Variants in DALRD3 observed in about 807,000 individuals in gnomAD.
DALRD3 encodes DALR anticodon binding domain containing 3.
DALRD3 carries 47 observed loss-of-function variants against 56.7 expected under a neutral mutation model. That is an observed-to-expected ratio of 0.83 (90% CI 0.66 to 1.06). DALRD3 has a LOEUF of 1.06. Among genes scored for constraint, DALRD3 ranks in the 50% least tolerant of loss-of-function variants. DALRD3 has a pLI of 0.00. For synonymous variants in DALRD3, 347 were observed against 308.5 expected, an observed-to-expected ratio of 1.12 and a Z score of -1.31; for missense variants, 787 against 724.0, an observed-to-expected ratio of 1.09 and a Z score of -1.00.
chr3:49,016,677 T>G lies in DALRD3; in HGVS notation c.1002-4A>C, dbSNP rs750988575. On this transcript the variant is annotated splice_region_variant and splice_polypyrimidine_tract_variant and intron_variant, in intron 6 of 11. Coordinates refer to ENST00000341949, the MANE Select transcript of DALRD3 (RefSeq NM_001009996.3). ...GCACACCTGGGTATGCCGGAACCTG[T>G]GTTTGGAAGAGAGGAAGGCCAGTGG... 2 of 1,605,638 alleles carry G rather than the reference T, an allele frequency of 1.2e-6. No individual in the cohort carries two copies. Among genetic ancestry groups the G allele is most frequent in the Admixed American group, 1.7e-5 (1 of 59,642 alleles).
chr3:49,017,908 G>C, intron 2 of DALRD3, 39 bp from the exon 3 acceptor site: 1 of 1,569,010 alleles, frequency 6.4e-7, no homozygotes, highest in Non-Finnish European at 8.6e-7. Context: ...TGAGCACCTG[G>C]TCCAGCTCGC....
upstream of DALRD3, chr3:49,020,238 T>G (rs1402926211): frequency 1.9e-6 from 1 of 534,462 alleles, no homozygotes; most frequent in Non-Finnish European, 3.8e-6. Context: ...CGCTTTCCAT[T>G]CTGAAGGTGC....
At chr3:49,020,737 C>A (rs942698826), upstream of DALRD3, 1 of 467,498 alleles carries the variant, frequency 2.1e-6, no homozygotes, top group Middle Eastern at 6.0e-4. Flanking sequence ...AGCTCCTGCC[C>A]CCAGGTCACT....
chr3:49,019,014 AAAG>A (rs1488023820), upstream of DALRD3: 1 of 985,470 alleles, frequency 1.0e-6, no homozygotes, highest in South Asian at 4.7e-5. Flanking sequence ...CTCGTTTTAA[AAAG>A]AATAGTGTTC....
chr3:49,017,113 C>T, intron 5 of DALRD3, 115 bp downstream of exon 5: 1 of 1,464,884 alleles, frequency 6.8e-7, no homozygotes, highest in Non-Finnish European at 9.3e-7. Flanking sequence ...TCCAGCAACT[C>T]CCCCAAGGTC....
upstream of DALRD3, chr3:49,021,477 C>G (rs1000722810): frequency 6.5e-6 from 1 of 154,522 alleles, no homozygotes; most frequent in Non-Finnish European, 1.4e-5. The surrounding 1 kb of genome is among the most constrained non-coding windows in gnomAD (Gnocchi z 4.1). Flanking sequence ...CACCCAAACA[C>G]TATCACAGCT....
Position 49,015,972 on chromosome 3 carries a change from C to CCAT in DALRD3, c.1441_1443dup (p.Met481dup), listed in dbSNP as rs1330419351. ...GAGTGTCCTGGTTGTCTATGCCTCA[C>CCAT]CATCTCTGTGCGTACAGCAATGTGG... On this transcript the variant is annotated inframe_insertion and splice_region_variant. Transcript: ENST00000341949. The CCAT allele has an allele frequency of 6.2e-7, 1 of 1,613,870 alleles. No homozygotes were observed. The highest frequency in any genetic ancestry group is 8.5e-7 in the Non-Finnish European group (1 of 1,179,854).
chr3:49,020,936 G>C (rs1246411847), upstream of DALRD3: 1 of 193,488 alleles, frequency 5.2e-6, no homozygotes, highest in Non-Finnish European at 1.1e-5. Context: ...GATTAGCCCT[G>C]TTGGTCCCAC....
chr3:49,018,142 C>A lies in DALRD3; in HGVS notation c.342G>T (p.Leu114=), dbSNP rs1353079750. 3 of 1,465,072 alleles carry A rather than the reference C, an allele frequency of 2.0e-6. No homozygotes were observed. Among genetic ancestry groups the A allele is most frequent in the Non-Finnish European group, 2.7e-6 (3 of 1,119,488 alleles). 90.8% of individuals were successfully genotyped at this position (1,465,072 alleles called of 1,614,324 possible). A position where few individuals can be genotyped will look rare whatever the true frequency, so the allele number is the denominator to read the frequency against. The change falls in exon 2 of 12, where the codon CTG becomes CTT. Residue 114 remains leucine, a synonymous_variant. Coordinates refer to ENST00000341949, the MANE Select transcript of DALRD3 (RefSeq NM_001009996.3). ...GGCAGTGTAGTAAGACGCGCTGGCCCAGCGAGGCAGGCGAGGCGGGCGTGG... is the reference window on the plus strand; with the variant it reads ...GGCAGTGTAGTAAGACGCGCTGGCCAAGCGAGGCAGGCGAGGCGGGCGTGG... ...AYATPASPAS[L]GQRVLLHCPA... is the part of the protein sequence containing the mutation.
At position 49,016,066 on chromosome 3, in the gene DALRD3, G is replaced by GAAGAGCAAC. The variant is rs1311242273; in HGVS notation, c.1341_1349dup (p.Leu447_Leu449dup). ...GATCCGGAAAGGGGAGGATACTGTTGAAGAGCAACAACCACTCACCCTGTT... is the reference window on the plus strand; with the variant it reads ...GATCCGGAAAGGGGAGGATACTGTTGAAGAGCAACAAGAGCAACAACCACTCACCCTGTT... On this transcript the variant is annotated inframe_insertion, in exon 10 of 12. Coordinates refer to ENST00000341949, the MANE Select transcript of DALRD3 (RefSeq NM_001009996.3). 5.0e-6 allele frequency: 8 copies of GAAGAGCAAC among 1,601,904 alleles called. No individual in the cohort carries two copies. Among genetic ancestry groups the GAAGAGCAAC allele is most frequent in the Non-Finnish European group, 6.0e-6 (7 of 1,171,700 alleles).
intron 5 of DALRD3, 129 bp downstream of exon 5, chr3:49,017,099 C>A: frequency 7.3e-7 from 1 of 1,360,760 alleles, no homozygotes; most frequent in South Asian, 1.3e-5. Context: ...CATGCCCTCT[C>A]AAGTCCAGCA....
In DALRD3 at chr3:49,016,796, T is replaced by C. The variant is rs1166100463; in HGVS notation, c.979A>G (p.Met327Val). The C allele has an allele frequency of 1.2e-6, 2 of 1,614,204 alleles. No individual in the cohort carries two copies. The highest frequency in any genetic ancestry group is 3.3e-5 in the Admixed American group (2 of 60,018). ...CACTCGTAGTACTCAGGGGCAGTCA[T>C]CAGAGTGCCAGGTGCACCAGCTACT... is the stretch of plus-strand genomic sequence containing the variant. ...VKVAGAPGTL[M>V]TAPEYYEFRH... The change falls in exon 6 of 12, where the codon ATG (methionine) becomes GTG (valine). Residue 327 changes from methionine (M) to valine (V), a missense_variant. Coordinates refer to ENST00000341949, the MANE Select transcript of DALRD3 (RefSeq NM_001009996.3).
chr3:49,015,732 C>T (rs1317191012), intron 11 of DALRD3, 25 bp from the exon 12 acceptor site: 3 of 1,614,084 alleles, frequency 1.9e-6, no homozygotes, highest in South Asian at 2.2e-5. Flanking sequence ...GCCTGCTGGT[C>T]TCATCCTCTG....
In DALRD3 at chr3:49,016,595, G is replaced by T; in HGVS notation, c.1063+17C>A. 6.3e-7 allele frequency: 1 copy of T among 1,585,132 alleles called. No homozygotes were observed. The highest frequency in any genetic ancestry group is 1.3e-5 in the African/African-American group (1 of 74,320). On this transcript the variant is annotated intron_variant, in intron 7 of 11. Coordinates refer to ENST00000341949, the MANE Select transcript of DALRD3 (RefSeq NM_001009996.3). The stretch of plus-strand genomic sequence containing the variant: ...CTGCCCCTAACCCAGAACATAGCCA[G>T]GGTTTCCCAGGCACACCTTGTGCCA...
chr3:49,018,976 G>A, upstream of DALRD3: 1 of 985,444 alleles, frequency 1.0e-6, no homozygotes, highest in Non-Finnish European at 1.2e-6. Context: ...ATAACATTAA[G>A]GCCACTTTCA....
Position 49,018,205 on chromosome 3 carries a change from G to T in DALRD3, c.279C>A (p.Ala93=). ...AGLSLQLQRS[A]VFERVLSAVA... ...CGGCGCTGAGGACGCGCTCGAAGAC[G>T]GCGGACCGCTGCAGTTGGAGAGACA... Residue 93 remains alanine (A), a synonymous_variant, in exon 2 of 12, where the codon GCC becomes GCA. Transcript: ENST00000341949. The T allele has an allele frequency of 6.9e-7, 1 of 1,446,238 alleles. No homozygotes were observed. Among genetic ancestry groups the T allele is most frequent in the Non-Finnish European group, 9.0e-7 (1 of 1,110,708 alleles). 89.6% of individuals were successfully genotyped at this position (1,446,238 alleles called of 1,614,324 possible).
At chr3:49,021,128 G>T (rs2093152537), upstream of DALRD3, 1 of 155,090 alleles carries the variant, frequency 6.4e-6, no homozygotes, top group Non-Finnish European at 1.4e-5. This position sits in a 1 kb window ranked among gnomAD's most constrained non-coding sequence, Gnocchi z 4.1. Context: ...GGCCGAAGGG[G>T]TCCACAGAGC....
upstream of DALRD3, chr3:49,018,917 T>C: frequency 1.0e-6 from 1 of 985,484 alleles, no homozygotes; most frequent in Non-Finnish European, 1.2e-6. Flanking sequence ...TAACATTTCA[T>C]TTCTCCCATT....
upstream of DALRD3, chr3:49,020,155 C>T (rs770597448): frequency 2.5e-4 from 133 of 534,232 alleles, 1 homozygote; most frequent in South Asian, 1.8e-3. Context: ...GCCGAAAGAG[C>T]ACTGGGCGGA....
Sources: allele counts gnomAD v4.1 joint callset, GRCh38; gene constraint gnomAD v4.1.1; non-coding constraint Gnocchi (gnomAD v3.1); transcripts MANE v1.5; gene names NCBI Gene and HGNC (gene_info 2026-07-23, HGNC 2026-07-21).